FRMD4B: variants seen among roughly 807,000 people sequenced by gnomAD.
FRMD4B encodes FERM domain containing 4B, also known as FERM domain-containing protein 4B.
FRMD4B carries 74 observed loss-of-function variants against 141.5 expected under a neutral mutation model. The ratio of observed to expected loss-of-function variants is 0.52; its 90% CI spans 0.43 to 0.63. FRMD4B has a LOEUF of 0.63. Ranked by LOEUF, FRMD4B falls within the 30% of genes least tolerant of loss-of-function variation. FRMD4B has a pLI of 0.00. For missense variants in FRMD4B, 1,366 were observed against 1,253.4 expected, an observed-to-expected ratio of 1.09 and a Z score of -1.36; for synonymous variants, 506 against 467.9, an observed-to-expected ratio of 1.08 and a Z score of -1.05.
At chr3:69,176,685 T>G in intron 21 of FRMD4B, 29 bp from the exon 22 acceptor site, 1 of 1,515,656 alleles carries the variant, frequency 6.6e-7, no homozygotes, top group Non-Finnish European at 9.1e-7. Context: ...AAAGATAAAA[T>G]TAATGGAAAT....
intron 3 of FRMD4B, among the ~76,000 whole-genome samples, chr3:69,309,764 T>A (rs548932102): frequency 6.6e-6 from 1 of 152,228 alleles, no homozygotes; most frequent in African/African-American, 2.4e-5. Context: ...TTTCAATGAA[T>A]AAATTACTCC....
rs567290025 is a variant in FRMD4B, at chr3:69,196,957, G to T, written c.1035C>A (p.Ser345=). 6.2e-7 allele frequency: 1 copy of T among 1,609,450 alleles called. No individual in the cohort carries two copies. Among genetic ancestry groups the T allele is most frequent in the African/African-American group, 1.3e-5 (1 of 74,828 alleles). ...GCTGACTAATTGCCATTACCCAAAT[G>T]GACTTGATGAGAGAAGAGTTAGCAT... The part of the protein sequence containing the change: ...TWYANSSLIK[S]IWVMAISQHQ... Residue 345 remains serine, a synonymous_variant, in exon 13 of 23, where the codon TCC becomes TCA. Coordinates refer to ENST00000398540, the MANE Select transcript of FRMD4B (RefSeq NM_015123.3).
intron 1 of FRMD4B, among the ~76,000 whole-genome samples, chr3:69,382,563 A>AT: frequency 6.6e-6 from 1 of 152,064 alleles, no homozygotes; most frequent in African/African-American, 2.4e-5. Context: ...AAAGTAGTGA[A>AT]TTTTTTTCCC....
At chr3:69,173,860 T>C (rs1229569983) in intron 22 of FRMD4B, among the ~76,000 whole-genome samples, 1 of 152,168 alleles carries the variant, frequency 6.6e-6, no homozygotes, top group Non-Finnish European at 1.5e-5. Context: ...AATACTGGGC[T>C]GGGCGCCGTG....
chr3:69,431,773 T>C (rs1009172507), intron 2 of FRMD4B, among the ~76,000 whole-genome samples: 1 of 152,236 alleles, frequency 6.6e-6, no homozygotes, highest in South Asian at 2.1e-4. Flanking sequence ...GGCGCCAGCA[T>C]GTGGATTTGC....
intron 1 of FRMD4B, among the ~76,000 whole-genome samples, chr3:69,525,479 T>G (rs1381218325): frequency 6.6e-6 from 1 of 152,200 alleles, no homozygotes; most frequent in African/African-American, 2.4e-5. Flanking sequence ...AGGCCCGGCA[T>G]TATCAGAAGT....
intron 1 of FRMD4B, chr3:69,536,779 C>T (rs1305132235): frequency 4.4e-6 from 2 of 459,666 alleles, no homozygotes; most frequent in African/African-American, 2.0e-5. Context: ...CAGAGTCTTG[C>T]TCTGTCGCTC....
At chr3:69,541,865 C>T (rs1256304482) in intron 1 of FRMD4B, among the ~76,000 whole-genome samples, 1 of 152,000 alleles carries the variant, frequency 6.6e-6, no homozygotes, top group East Asian at 2.0e-4. Context: ...TTCTCCCGAC[C>T]TCCCACGAAC....
At chr3:69,357,692 A>C (rs1376108670) in intron 1 of FRMD4B, among the ~76,000 whole-genome samples, 1 of 152,226 alleles carries the variant, frequency 6.6e-6, no homozygotes, top group Non-Finnish European at 1.5e-5. Context: ...CACATACTGA[A>C]TGAATGCCAG....
intron 5 of FRMD4B, among the ~76,000 whole-genome samples, chr3:69,274,005 AGGG>A (rs1485969998): frequency 2.0e-5 from 3 of 152,132 alleles, no homozygotes; most frequent in Non-Finnish European, 4.4e-5. Flanking sequence ...AGGAAAGTAA[AGGG>A]AGATAGGAAG....
chr3:69,435,115 C>T (rs1705239671), intron 1 of FRMD4B, among the ~76,000 whole-genome samples: 1 of 152,136 alleles, frequency 6.6e-6, no homozygotes, highest in Admixed American at 6.6e-5. Flanking sequence ...AGACCCTATC[C>T]ACATGCACAG....
chr3:69,430,564 A>G (rs1344615433), intron 2 of FRMD4B, among the ~76,000 whole-genome samples: 3 of 152,200 alleles, frequency 2.0e-5, no homozygotes, highest in African/African-American at 4.8e-5. Flanking sequence ...CGTATATGGC[A>G]ATTGCTGGAC....
intron 5 of FRMD4B, among the ~76,000 whole-genome samples, chr3:69,286,036 C>T (rs191369228): frequency 6.6e-6 from 1 of 152,222 alleles, no homozygotes; most frequent in East Asian, 1.9e-4. Flanking sequence ...AAACTGCCAA[C>T]AAGAATCCTA....
intron 1 of FRMD4B, among the ~76,000 whole-genome samples, chr3:69,466,222 AC>A (rs1705784391): frequency 6.6e-6 from 1 of 152,056 alleles, no homozygotes; most frequent in South Asian, 2.1e-4. Flanking sequence ...TCCTTTGCCC[AC>A]TTTTTGATGG....
At chr3:69,420,577 C>T (rs913346476) in intron 2 of FRMD4B, among the ~76,000 whole-genome samples, 3 of 152,138 alleles carry the variant, frequency 2.0e-5, no homozygotes, top group Middle Eastern at 3.4e-3. Flanking sequence ...TAGAGATGTT[C>T]GGGTTTCAAA....
At chr3:69,207,853 G>T (rs939476851) in intron 11 of FRMD4B, among the ~76,000 whole-genome samples, 4 of 152,016 alleles carry the variant, frequency 2.6e-5, no homozygotes, top group African/African-American at 9.7e-5. Flanking sequence ...GGTTCTGCCT[G>T]TCTGGCAGCC....
intron 1 of FRMD4B, among the ~76,000 whole-genome samples, chr3:69,519,148 G>T (rs981058067): frequency 6.6e-6 from 1 of 152,120 alleles, no homozygotes; most frequent in Non-Finnish European, 1.5e-5. Context: ...GTGGGTGTCT[G>T]GTTCTTAGAA....
rs77658855 is a variant in FRMD4B, at chr3:69,391,242, A to T, written c.-1+41392T>A. On this transcript the variant is annotated intron_variant, in intron 2 of 5. Transcript: ENST00000459638. The stretch of plus-strand genomic sequence containing the variant: ...CATTTCATTTATTTATTATTTATTT[A>T]TTTTTATTTTTTTTTATTATTATAC... Among the ~76,000 whole-genome samples the T allele has an allele frequency of 2.1e-4, 31 of 144,702 alleles. No homozygotes were observed. The East Asian group carries it at 5.3e-3, about 25-fold the overall frequency. 94.9% of individuals were successfully genotyped at this position (144,702 alleles called of 152,430 possible).
Position 69,198,686 on chromosome 3 carries a change from T to A in FRMD4B, c.953+12A>T, listed in dbSNP as rs771994232. ...TAACTGTGTCATACAGAGAAACGTC[T>A]TTGATCCTCACCTTCGTGGATCATG... On this transcript the variant is annotated intron_variant, in intron 12 of 22. Transcript: ENST00000398540. The A allele has an allele frequency of 1.4e-6, 2 of 1,416,134 alleles. No homozygotes were observed. The highest frequency in any genetic ancestry group is 2.0e-6 in the Non-Finnish European group (2 of 1,015,450). 87.7% of individuals were successfully genotyped at this position (1,416,134 alleles called of 1,614,324 possible).
Sources: allele counts gnomAD v4.1 joint callset (sites outside exome capture counted in the v4.1 genomes callset), GRCh38; gene constraint gnomAD v4.1.1; transcripts MANE v1.5; gene names NCBI Gene and HGNC (gene_info 2026-07-23, HGNC 2026-07-21).